MYO3B: variants seen among roughly 807,000 people sequenced by gnomAD.
The protein encoded by MYO3B is myosin IIIB, also known as myosin-IIIb.
A neutral mutation model predicts 174.6 loss-of-function variants in MYO3B; 156 were observed. The observed-to-expected ratio is 0.89, with a 90% CI of 0.78 to 1.02. The LOEUF is 1.02. Among genes scored for constraint, MYO3B ranks in the 50% least tolerant of loss-of-function variants. The pLI is 0.00. For missense variants in MYO3B, 1,632 were observed against 1,639.4 expected (o/e 1.00, Z 0.08); for synonymous variants, 563 against 569.1 (o/e 0.99, Z 0.15).
chr2:170,597,325 G>A (rs954717286), intron 32 of MYO3B, among the ~76,000 whole-genome samples: 2 of 147,326 alleles, frequency 1.4e-5, no homozygotes, highest in South Asian at 2.2e-4. Context: ...CCGAGATTGC[G>A]CCACTGCACT....
At chr2:170,245,519 C>G (rs1287403971) in intron 7 of MYO3B, among the ~76,000 whole-genome samples, 1 of 152,190 alleles carries the variant, frequency 6.6e-6, no homozygotes, top group Non-Finnish European at 1.5e-5. Flanking sequence ...CCTGGCAGAA[C>G]TCTAAACCTG....
chr2:170,476,967 T>C (rs964782884), intron 25 of MYO3B, among the ~76,000 whole-genome samples: 1 of 152,162 alleles, frequency 6.6e-6, no homozygotes, highest in Non-Finnish European at 1.5e-5. Context: ...TAAATCTCTA[T>C]TAAATGTTTC....
chr2:170,317,126 G>A (rs1048088444), intron 7 of MYO3B, among the ~76,000 whole-genome samples: 1 of 152,144 alleles, frequency 6.6e-6, no homozygotes, highest in Non-Finnish European at 1.5e-5. Flanking sequence ...TTTCCCTAAT[G>A]AAAAGATCTG....
intron 30 of MYO3B, among the ~76,000 whole-genome samples, chr2:170,542,690 G>C (rs1690193984): frequency 6.6e-6 from 1 of 152,140 alleles, no homozygotes; most frequent in Non-Finnish European, 1.5e-5. Flanking sequence ...TAGGAATTCA[G>C]GCAGACTGTG....
At chr2:170,240,412 CTG>C (rs1415375118) in intron 7 of MYO3B, among the ~76,000 whole-genome samples, 2 of 152,184 alleles carry the variant, frequency 1.3e-5, no homozygotes, top group Non-Finnish European at 2.9e-5. Flanking sequence ...CACAGCAACT[CTG>C]TGAAGTAAGT....
At chr2:170,507,817 G>A (rs771678295) in intron 28 of MYO3B, among the ~76,000 whole-genome samples, 18 of 152,176 alleles carry the variant, frequency 1.2e-4, no homozygotes, top group Non-Finnish European at 2.1e-4. Context: ...AGCAAGTGGT[G>A]TAGTACAGAG....
At chr2:170,649,236 T>TATATA (rs1553550904) in intron 32 of MYO3B, among the ~76,000 whole-genome samples, 642 of 30,692 alleles carry the variant, frequency 0.021, 122 homozygotes, top group Admixed American at 0.049. Flanking sequence ...TATAAAATAA[T>TATATA]ATATATTATA....
chr2:170,485,818 G>C (rs763235046), intron 25 of MYO3B, among the ~76,000 whole-genome samples: 8 of 152,268 alleles, frequency 5.3e-5, no homozygotes, highest in Non-Finnish European at 1.2e-4. Flanking sequence ...GGAGATACTT[G>C]GGAGCCAGTT....
chr2:170,508,573 C>G (rs1281383532), intron 28 of MYO3B, among the ~76,000 whole-genome samples: 2 of 152,180 alleles, frequency 1.3e-5, no homozygotes, highest in Non-Finnish European at 1.5e-5. Context: ...AGTTGTGTCT[C>G]CCTTATGTGT....
At chr2:170,628,875 A>G (rs1696696739) in intron 32 of MYO3B, among the ~76,000 whole-genome samples, 2 of 152,126 alleles carry the variant, frequency 1.3e-5, no homozygotes, top group African/African-American at 2.4e-5. Flanking sequence ...ATCTTCCCAT[A>G]GTCTTTCCCA....
chr2:170,372,693 G>A (rs2094257775), intron 9 of MYO3B, among the ~76,000 whole-genome samples: 1 of 152,116 alleles, frequency 6.6e-6, no homozygotes, highest in Non-Finnish European at 1.5e-5. Flanking sequence ...AGGAATGCCT[G>A]GGATACCTCT....
chr2:170,289,346 A>G (rs1168350825), intron 7 of MYO3B, among the ~76,000 whole-genome samples: 2 of 152,064 alleles, frequency 1.3e-5, no homozygotes, highest in Non-Finnish European at 2.9e-5. Flanking sequence ...CAGGTGCTGG[A>G]CTTTTCTTTG....
chr2:170,290,049 T>A (rs1480376659), intron 7 of MYO3B, among the ~76,000 whole-genome samples: 4 of 152,054 alleles, frequency 2.6e-5, no homozygotes, highest in African/African-American at 7.2e-5. Flanking sequence ...TCCATTGTGA[T>A]CCATTGTGAT....
In MYO3B at chr2:170,262,183, G is replaced by A. The variant is rs76138430; in HGVS notation, c.749+26047G>A. ...CTCATTTAAGCTGAACCTACAAGGG[G>A]CAGAATTTTCAAAAGGATGGGGATT... is the stretch of plus-strand genomic sequence containing the variant. On this transcript the variant is annotated intron_variant, in intron 7 of 34. Transcript: ENST00000408978. 5.3e-5 allele frequency among the ~76,000 whole-genome samples: 8 copies of A among 152,194 alleles called. No individual in the cohort carries two copies. The East Asian group carries it at 1.3e-3, about 26-fold the overall frequency.
chr2:170,547,509 A>C (rs565037636), intron 32 of MYO3B, among the ~76,000 whole-genome samples: 1 of 152,314 alleles, frequency 6.6e-6, no homozygotes, highest in South Asian at 2.1e-4. Context: ...ATCTGGTTTT[A>C]CTAATGCAAA....
At chr2:170,333,654 G>T (rs1214649924) in intron 7 of MYO3B, among the ~76,000 whole-genome samples, 3 of 152,010 alleles carry the variant, frequency 2.0e-5, no homozygotes, top group Non-Finnish European at 2.9e-5. Context: ...CTTGTGTCTT[G>T]GTACGTATTG....
intron 10 of MYO3B, 115 bp from the exon 11 acceptor site, chr2:170,382,958 T>C: frequency 2.9e-6 from 2 of 687,226 alleles, no homozygotes; most frequent in Non-Finnish European, 5.2e-6. Context: ...TTAAATGGAC[T>C]ACTTTCATCG....
intron 32 of MYO3B, among the ~76,000 whole-genome samples, chr2:170,636,385 G>T (rs1414102974): frequency 6.7e-6 from 1 of 150,138 alleles, no homozygotes; most frequent in African/African-American, 2.5e-5. Flanking sequence ...GAAAAGAAAA[G>T]ATCTCCATGA....
At chr2:170,293,086 C>T (rs1370962153) in intron 7 of MYO3B, among the ~76,000 whole-genome samples, 1 of 152,108 alleles carries the variant, frequency 6.6e-6, no homozygotes, top group African/African-American at 2.4e-5. Context: ...TCACTGTTGA[C>T]TTGGAGTTTT....
Sources: gnomAD v4.1 joint callset for allele counts (sites outside exome capture counted in the v4.1 genomes callset) on GRCh38, gnomAD v4.1.1 for gene constraint, MANE v1.5 for transcripts, NCBI Gene and HGNC (gene_info 2026-07-23, HGNC 2026-07-21) for gene names.